Variants in MED13L observed in about 807,000 individuals in gnomAD.
MED13L encodes the protein mediator complex subunit 13L.
MED13L carries 7 observed loss-of-function variants against 220.9 expected under a neutral mutation model. The ratio of observed to expected loss-of-function variants is 0.03; its 90% CI spans 0.02 to 0.06. The LOEUF is 0.06. Among genes scored for constraint, MED13L ranks in the 10% least tolerant of loss-of-function variants. The pLI is 1.00. For missense variants in MED13L, 1,965 were observed against 2,760.5 expected (o/e 0.71, Z 6.46); for synonymous variants, 1,011 against 1,015.2 (o/e 1.00, Z 0.08).
intron 3 of MED13L, among the ~76,000 whole-genome samples, chr12:116,101,283 GTC>G (rs1360048730): frequency 6.6e-6 from 1 of 152,176 alleles, no homozygotes; most frequent in African/African-American, 2.4e-5. Flanking sequence ...GACGGTGTGT[GTC>G]TGTCTTATCC....
At chr12:116,221,676 A>T (rs1039898952) in intron 2 of MED13L, among the ~76,000 whole-genome samples, 1 of 152,222 alleles carries the variant, frequency 6.6e-6, no homozygotes, top group Non-Finnish European at 1.5e-5. Context: ...GTGGAAAAGG[A>T]AACAGGTTTA....
At chr12:116,089,928 AG>A (rs1265635359) in intron 4 of MED13L, among the ~76,000 whole-genome samples, 3 of 152,226 alleles carry the variant, frequency 2.0e-5, no homozygotes, top group African/African-American at 7.2e-5. Context: ...TACAAAGCAG[AG>A]GATAAGACAT....
chr12:115,996,063 A>G, intron 16 of MED13L, among the ~76,000 whole-genome samples: 1 of 152,156 alleles, frequency 6.6e-6, no homozygotes, highest in East Asian at 1.9e-4. Context: ...AAAGTTTCAA[A>G]TGATATGCTA....
intron 4 of MED13L, among the ~76,000 whole-genome samples, chr12:116,060,893 G>A (rs1304149738): frequency 6.6e-6 from 1 of 152,122 alleles, no homozygotes; most frequent in African/African-American, 2.4e-5. Context: ...GCAATGAGAT[G>A]AGAAGGAAGT....
chr12:116,077,573 T>C (rs1035883818), intron 4 of MED13L, among the ~76,000 whole-genome samples: 2 of 152,226 alleles, frequency 1.3e-5, no homozygotes, highest in Admixed American at 1.3e-4. Context: ...CCACTGGATA[T>C]ACTATCTGCA....
intron 2 of MED13L, among the ~76,000 whole-genome samples, chr12:116,149,536 A>C (rs906721938): frequency 6.6e-5 from 10 of 152,260 alleles, no homozygotes; most frequent in African/African-American, 2.4e-4. Context: ...CTATGCCCAA[A>C]AAGTCAAATG....
At chr12:116,191,651 T>C (rs527476380) in intron 2 of MED13L, among the ~76,000 whole-genome samples, 1 of 152,172 alleles carries the variant, frequency 6.6e-6, no homozygotes, top group Non-Finnish European at 1.5e-5. Context: ...TTTTTAACTA[T>C]CAAATTAAAA....
intron 1 of MED13L, among the ~76,000 whole-genome samples, chr12:116,241,413 G>A (rs1870641670): frequency 6.6e-6 from 1 of 151,442 alleles, no homozygotes; most frequent in Admixed American, 6.6e-5. Context: ...TATTTAAAGT[G>A]TTAGAAAATT....
intron 2 of MED13L, among the ~76,000 whole-genome samples, chr12:116,213,657 C>A (rs1322245737): frequency 1.3e-5 from 2 of 152,196 alleles, no homozygotes; most frequent in African/African-American, 4.8e-5. Context: ...AGGTGATCCA[C>A]CCACCTCGGA....
intron 14 of MED13L, among the ~76,000 whole-genome samples, chr12:116,000,551 C>T (rs1878676607): frequency 6.6e-6 from 1 of 152,186 alleles, no homozygotes; most frequent in East Asian, 1.9e-4. Flanking sequence ...ATGCCCAAGT[C>T]CCTTCCAAAC....
intron 2 of MED13L, among the ~76,000 whole-genome samples, chr12:116,212,575 C>T (rs944955439): frequency 1.3e-5 from 2 of 152,100 alleles, no homozygotes; most frequent in Non-Finnish European, 1.5e-5. Flanking sequence ...TCCATAAATA[C>T]AGCACATATG....
chr12:116,061,803 C>T (rs1395270834), intron 4 of MED13L, among the ~76,000 whole-genome samples: 1 of 151,900 alleles, frequency 6.6e-6, no homozygotes, highest in Non-Finnish European at 1.5e-5. Flanking sequence ...GTCAGGAGAT[C>T]GAGACCATCC....
chr12:115,984,072 A>T (rs1877519731), intron 20 of MED13L, 108 bp downstream of exon 20: 4 of 1,238,162 alleles, frequency 3.2e-6, no homozygotes, highest in Non-Finnish European at 4.6e-6. Context: ...CAAATACAGC[A>T]TTACTTGAGA....
intron 4 of MED13L, among the ~76,000 whole-genome samples, chr12:116,093,955 C>A (rs912273308): frequency 1.3e-5 from 2 of 151,896 alleles, no homozygotes; most frequent in Non-Finnish European, 2.9e-5. Flanking sequence ...TCACTATAAC[C>A]CTCTAAGACA....
Position 115,960,924 on chromosome 12 carries a change from A to G in MED13L, c.*342T>C. 2 of 366,788 alleles carry G rather than the reference A, an allele frequency of 5.5e-6. No individual in the cohort carries two copies. Among genetic ancestry groups the G allele is most frequent in the South Asian group, 4.5e-5 (2 of 44,342 alleles). 22.7% of individuals were successfully genotyped at this position (366,788 alleles called of 1,614,324 possible). A position where few individuals can be genotyped will look rare whatever the true frequency, so the allele number is the denominator to read the frequency against. The stretch of plus-strand genomic sequence containing the variant: ...AATTGTATACAGAGGCTGAAAACAC[A>G]GACTCTTGTGCAAAAGGACACTGTC... On this transcript the variant is annotated 3_prime_UTR_variant, in exon 31 of 31. Coordinates refer to ENST00000281928, the MANE Select transcript of MED13L (RefSeq NM_015335.5).
At chr12:116,197,782 GA>G (rs397964346) in intron 2 of MED13L, among the ~76,000 whole-genome samples, 131 of 140,886 alleles carry the variant, frequency 9.3e-4, no homozygotes, top group African/African-American at 1.9e-3. Context: ...AGAAAAAAAG[GA>G]AAAAAAAAAA....
intron 4 of MED13L, among the ~76,000 whole-genome samples, chr12:116,061,374 T>C (rs142110533): frequency 3.1e-4 from 47 of 152,252 alleles, no homozygotes; most frequent in African/African-American, 1.1e-3. Flanking sequence ...TTCTCAACAC[T>C]AGGAAAGGCA....
chr12:116,265,547 G>A (rs1198744950), intron 1 of MED13L, among the ~76,000 whole-genome samples: 1 of 152,182 alleles, frequency 6.6e-6, no homozygotes, highest in Admixed American at 6.5e-5. Flanking sequence ...CTGCTCATTT[G>A]AGATTCACGT....
chr12:116,102,691 CTTTTTCTTTTTCTTTTTTCTTTTTTTT>C (rs1873159581), intron 3 of MED13L, among the ~76,000 whole-genome samples: 1 of 91,128 alleles, frequency 1.1e-5, no homozygotes, highest in Non-Finnish European at 2.3e-5. Flanking sequence ...CCTATATTTT[CTTTTTCTTTTTCTTTTTTCTTTTTTTT>C]TTTTTTTTTT....
Sources: allele counts gnomAD v4.1 joint callset (sites outside exome capture counted in the v4.1 genomes callset), GRCh38; gene constraint gnomAD v4.1.1; transcripts MANE v1.5; gene names NCBI Gene and HGNC (gene_info 2026-07-23, HGNC 2026-07-21).